SCTR: variants seen among roughly 807,000 people sequenced by gnomAD.
The protein encoded by SCTR is pancreatic secretin receptor.
Under a neutral mutation model 60.8 loss-of-function variants are expected in SCTR, and 56 were observed. That is an observed-to-expected ratio of 0.92 (90% CI 0.74 to 1.15). The LOEUF is 1.15. Among genes scored for constraint, SCTR ranks in the 50% most tolerant of loss-of-function variants. The probability of loss-of-function intolerance (pLI) is 0.00; values close to 1 mark genes in which losing one functional copy is unlikely to be tolerated. For synonymous variants in SCTR, 202 were observed against 217.0 expected, an observed-to-expected ratio of 0.93 and a Z score of 0.61; for missense variants, 562 against 550.4, an observed-to-expected ratio of 1.02 and a Z score of -0.21.
chr2:119,524,010 G>T (rs1679372321), intron 1 of SCTR, 145 bp downstream of exon 1: 3 of 661,652 alleles, frequency 4.5e-6, no homozygotes, highest in South Asian at 3.5e-5. Flanking sequence ...AGAGATTAAT[G>T]TTGGGAGGAT....
chr2:119,450,619 G>T (rs764749708), intron 9 of SCTR, among the ~76,000 whole-genome samples: 1 of 151,934 alleles, frequency 6.6e-6, no homozygotes, highest in South Asian at 2.1e-4. Flanking sequence ...AAAACACATG[G>T]TCATAACATA....
chr2:119,493,828 G>A (rs760210689), intron 2 of SCTR, among the ~76,000 whole-genome samples: 3 of 151,964 alleles, frequency 2.0e-5, no homozygotes, highest in Non-Finnish European at 4.4e-5. Flanking sequence ...TTTAGTAGAG[G>A]TGGGGTTTCA....
At chr2:119,456,190 AGCTGAGATTACAG>A (rs1392508609) in intron 7 of SCTR, among the ~76,000 whole-genome samples, 1 of 149,872 alleles carries the variant, frequency 6.7e-6, no homozygotes, top group African/African-American at 2.5e-5. Context: ...CCTCTTGAAT[AGCTGAGATTACAG>A]GCACCCACCA....
chr2:119,500,184 G>GTCGTCCTAAAAGTT (rs1470818518), intron 1 of SCTR, among the ~76,000 whole-genome samples: 10,272 of 49,202 alleles, frequency 0.21, 1,117 homozygotes, highest in African/African-American at 0.44. Flanking sequence ...ACTAAAAAGT[G>GTCGTCCTAAAAGTT]TAGTCCTAAA....
intron 8 of SCTR, 95 bp from the exon 9 acceptor site, chr2:119,452,174 A>G: frequency 1.3e-6 from 1 of 750,538 alleles, no homozygotes. Flanking sequence ...CCTTGGTATG[A>G]AGGACCTGTG....
intron 3 of SCTR, among the ~76,000 whole-genome samples, chr2:119,476,025 C>T (rs1050807661): frequency 2.0e-5 from 3 of 152,114 alleles, no homozygotes; most frequent in Non-Finnish European, 4.4e-5. Context: ...AATCGGCCTG[C>T]GGTTTCTCCA....
intron 9 of SCTR, among the ~76,000 whole-genome samples, chr2:119,451,645 C>T (rs1251004542): frequency 1.3e-5 from 2 of 152,178 alleles, no homozygotes; most frequent in Non-Finnish European, 2.9e-5. Context: ...CCCAAGTTAA[C>T]AAGCAAATCC....
rs533335125 is a variant in SCTR at position 119,446,672 on chromosome 2, G to A, written c.1140+87C>T. The A allele has an allele frequency of 1.0e-5, 13 of 1,259,218 alleles. No homozygotes were observed. The African/African-American group carries it at 1.7e-4, about 16-fold the overall frequency. 78.0% of individuals were successfully genotyped at this position (1,259,218 alleles called of 1,614,324 possible). On this transcript the variant is annotated intron_variant, in intron 11 of 12. Transcript: ENST00000019103. ...TGGGTCTCTGCCAGATAAGGCATCT[G>A]GCTCGCAGTCTCTATGCCCTCCACT...
chr2:119,497,057 C>A (rs1263381235), intron 1 of SCTR, among the ~76,000 whole-genome samples: 8 of 152,190 alleles, frequency 5.3e-5, no homozygotes, highest in African/African-American at 1.9e-4. Context: ...TAGACTACTA[C>A]CCTAGTTCAG....
intron 1 of SCTR, among the ~76,000 whole-genome samples, chr2:119,516,259 C>G (rs1305817984): frequency 6.6e-6 from 1 of 152,200 alleles, no homozygotes; most frequent in African/African-American, 2.4e-5. Flanking sequence ...GTAGAGGTAC[C>G]TGTGCCCCCA....
At chr2:119,446,678 C>T (rs541483655) in intron 11 of SCTR, 81 bp downstream of exon 11, 1 of 1,288,772 alleles carries the variant, frequency 7.8e-7, no homozygotes. Flanking sequence ...ATCTGGCTCG[C>T]AGTCTCTATG....
intron 5 of SCTR, 135 bp from the exon 6 acceptor site, chr2:119,464,390 G>T (rs536530457): frequency 1.2e-6 from 1 of 811,324 alleles, no homozygotes; most frequent in Non-Finnish European, 2.0e-6. Context: ...CATTCTGTGA[G>T]CATAACCTGA....
chr2:119,488,274 C>G (rs11898294), intron 2 of SCTR, among the ~76,000 whole-genome samples: 1 of 152,236 alleles, frequency 6.6e-6, no homozygotes, highest in East Asian at 1.9e-4. Flanking sequence ...CCCACCTGCA[C>G]GCTGGCCCTC....
chr2:119,472,240 G>A (rs997941820), intron 4 of SCTR, among the ~76,000 whole-genome samples: 16 of 152,204 alleles, frequency 1.1e-4, no homozygotes, highest in African/African-American at 3.6e-4. Flanking sequence ...GCCAACACCA[G>A]GCTCTAAGGG....
At chr2:119,462,143 G>A in intron 6 of SCTR, 143 bp from the exon 7 acceptor site, 1 of 672,056 alleles carries the variant, frequency 1.5e-6, no homozygotes, top group African/African-American at 1.8e-5. Flanking sequence ...GCCATCTTCT[G>A]TGGCCTTCCT....
At chr2:119,470,928 T>C (rs765446817) in intron 4 of SCTR, among the ~76,000 whole-genome samples, 1 of 152,216 alleles carries the variant, frequency 6.6e-6, no homozygotes, top group Non-Finnish European at 1.5e-5. Context: ...CTCAAACCCT[T>C]GACCTCAAGT....
rs1198619475 is a variant in SCTR, at chr2:119,444,870, AATAT to A, written c.1140+1885_1140+1888del. On this transcript the variant is annotated intron_variant, in intron 11 of 12. Coordinates refer to ENST00000019103, the MANE Select transcript of SCTR (RefSeq NM_002980.3). ...ATATATATACACATATATTCGTACG[AATAT>A]ATATACACATATATTCGTACGAATA... 3.2e-4 allele frequency among the ~76,000 whole-genome samples: 4 copies of A among 12,558 alleles called. 2 individuals carry two copies. The highest frequency in any genetic ancestry group is 6.6e-4 in the Non-Finnish European group (4 of 6,058). 8.2% of individuals were successfully genotyped at this position (12,558 alleles called of 152,430 possible).
intron 4 of SCTR, among the ~76,000 whole-genome samples, chr2:119,469,441 A>T (rs922503211): frequency 6.6e-6 from 1 of 152,102 alleles, no homozygotes; most frequent in African/African-American, 2.4e-5. Context: ...TCACCCACCC[A>T]GAAACAGCCT....
At chr2:119,480,616 G>T (rs537294894) in intron 2 of SCTR, 1 of 152,200 alleles carries the variant, frequency 6.6e-6, no homozygotes, top group Non-Finnish European at 1.5e-5. Flanking sequence ...TGTTCGGCAG[G>T]TATTCATTTT....
Sources: gnomAD v4.1 joint callset for allele counts (sites outside exome capture counted in the v4.1 genomes callset) on GRCh38, gnomAD v4.1.1 for gene constraint, MANE v1.5 for transcripts, NCBI Gene and HGNC (gene_info 2026-07-23, HGNC 2026-07-21) for gene names.